The following MAGI2 variants were observed in gnomAD, a reference collection of about 807,000 sequenced individuals.
MAGI2 encodes the protein membrane associated guanylate kinase, WW and PDZ domain containing 2, also known as membrane-associated guanylate kinase, WW and PDZ domain-containing protein 2.
Under a neutral mutation model 133.3 loss-of-function variants are expected in MAGI2, and 35 were observed. The ratio of observed to expected loss-of-function variants is 0.26; its 90% CI spans 0.20 to 0.35. MAGI2 has a LOEUF of 0.35. MAGI2 is among the 10% of genes least tolerant of loss of function. The pLI is 1.00. For synonymous variants in MAGI2, 729 were observed against 710.6 expected (o/e 1.03, Z -0.41); for missense variants, 1,636 against 1,863.4 (o/e 0.88, Z 2.25).
Position 78,668,930 on chromosome 7 carries a change from G to A in MAGI2, c.419-41691C>T, listed in dbSNP as rs533125438. 5.5e-4 allele frequency among the ~76,000 whole-genome samples: 83 copies of A among 151,988 alleles called. 1 individual carries two copies. The South Asian group carries it at 0.017, about 31-fold the overall frequency. Reference sequence around the variant, plus strand: ...GGACGCATTCAAAGCAGTGCGCAGAGGGAAATTTATAGCACTAAATGCCCA... The same window carrying A: ...GGACGCATTCAAAGCAGTGCGCAGAAGGAAATTTATAGCACTAAATGCCCA... On this transcript the variant is annotated intron_variant, in intron 2 of 21. Transcript: ENST00000354212.
At chr7:79,355,809 G>T (rs896154806) in intron 1 of MAGI2, among the ~76,000 whole-genome samples, 1 of 152,140 alleles carries the variant, frequency 6.6e-6, no homozygotes, top group African/African-American at 2.4e-5. Context: ...TTATACATAT[G>T]ATAAAACACA....
Position 78,152,527 on chromosome 7 carries a change from C to T in MAGI2, c.2845+7498G>A, listed in dbSNP as rs185965911. Among the ~76,000 whole-genome samples the T allele has an allele frequency of 3.7e-4, 57 of 152,302 alleles. 1 individual carries two copies. Among genetic ancestry groups the T allele is most frequent in the African/African-American group, 1.3e-3 (56 of 41,576 alleles). The stretch of plus-strand genomic sequence containing the variant: ...ATCATTAGCAACGATCTACCACTCC[C>T]CCCTTAGCCCCTGGCTACCTCATGG... On this transcript the variant is annotated intron_variant, in intron 16 of 21. Transcript: ENST00000354212.
chr7:79,005,418 C>T (rs370981578), intron 2 of MAGI2, among the ~76,000 whole-genome samples: 4 of 152,120 alleles, frequency 2.6e-5, no homozygotes, highest in African/African-American at 9.7e-5. Flanking sequence ...ATAAGTCTAG[C>T]TGTTTTACCC....
intron 2 of MAGI2, among the ~76,000 whole-genome samples, chr7:78,957,930 A>T (rs114149450): frequency 0.014 from 2,144 of 152,244 alleles, 38 homozygotes; most frequent in African/African-American, 0.046. Context: ...CCCACACTAC[A>T]TGCAAAAATT....
At chr7:79,317,184 G>A (rs1294361984) in intron 1 of MAGI2, among the ~76,000 whole-genome samples, 3 of 151,690 alleles carry the variant, frequency 2.0e-5, no homozygotes, top group Admixed American at 6.6e-5. Flanking sequence ...CACTAATCCC[G>A]GCTAATTTTT....
chr7:79,098,844 A>G (rs1370370271), intron 1 of MAGI2, among the ~76,000 whole-genome samples: 1 of 152,204 alleles, frequency 6.6e-6, no homozygotes, highest in Non-Finnish European at 1.5e-5. Flanking sequence ...GGAGAGAGAA[A>G]GGGGAGGGTT....
At chr7:78,899,505 G>A (rs1425946981) in intron 2 of MAGI2, among the ~76,000 whole-genome samples, 2 of 152,178 alleles carry the variant, frequency 1.3e-5, no homozygotes, top group Non-Finnish European at 2.9e-5. Context: ...AGCTAAGTAT[G>A]TATAGCCTTC....
At chr7:78,829,956 G>T (rs1015645932) in intron 2 of MAGI2, among the ~76,000 whole-genome samples, 4 of 151,946 alleles carry the variant, frequency 2.6e-5, no homozygotes, top group Admixed American at 6.6e-5. Flanking sequence ...TTTGGTGTTT[G>T]TTAGAAAGTT....
intron 2 of MAGI2, among the ~76,000 whole-genome samples, chr7:78,768,545 G>A (rs780019587): frequency 6.6e-6 from 1 of 152,166 alleles, no homozygotes; most frequent in Non-Finnish European, 1.5e-5. Flanking sequence ...CTATGGGAAG[G>A]TGCTCACGAT....
At chr7:78,218,605 A>G (rs532129953) in intron 10 of MAGI2, among the ~76,000 whole-genome samples, 28 of 151,542 alleles carry the variant, frequency 1.8e-4, no homozygotes, top group Admixed American at 1.8e-3. Context: ...CACTTAACAA[A>G]GAAGCCTGCA....
In MAGI2 at chr7:78,346,077, G is replaced by T. The variant is rs199907068; in HGVS notation, c.1104-34C>A. The T allele has an allele frequency of 2.9e-4, 468 of 1,611,954 alleles. 2 individuals are homozygous for T. In the African/African-American group the frequency reaches 5.1e-3, roughly 18 times the overall value. On this transcript the variant is annotated intron_variant, in intron 7 of 21. Transcript: ENST00000354212. ...GAAAATTTCAGATTAGGATAACCGTGGGGCAAAGTTATTTAAAAGACCATA... is the reference window on the plus strand; with the variant it reads ...GAAAATTTCAGATTAGGATAACCGTTGGGCAAAGTTATTTAAAAGACCATA...
At chr7:78,060,797 A>G (rs753376255) in intron 21 of MAGI2, among the ~76,000 whole-genome samples, 28 of 152,180 alleles carry the variant, frequency 1.8e-4, no homozygotes, top group Non-Finnish European at 3.7e-4. Flanking sequence ...CATCTATGTA[A>G]TGGAGTATTG....
intron 1 of MAGI2, among the ~76,000 whole-genome samples, chr7:79,187,454 T>A (rs1370643574): frequency 6.6e-6 from 1 of 151,732 alleles, no homozygotes; most frequent in Non-Finnish European, 1.5e-5. Flanking sequence ...TTACCCTCAG[T>A]CCATCTACCT....
At chr7:78,238,544 A>AAT (rs398111478) in intron 10 of MAGI2, among the ~76,000 whole-genome samples, 2 of 151,694 alleles carry the variant, frequency 1.3e-5, no homozygotes, top group African/African-American at 2.4e-5. Context: ...CAAAAAAAAA[A>AAT]TCTTTGATTT....
chr7:79,132,134 A>G (rs972590004), intron 1 of MAGI2, among the ~76,000 whole-genome samples: 6 of 152,134 alleles, frequency 3.9e-5, no homozygotes, highest in African/African-American at 1.4e-4. Context: ...GATCACTCGC[A>G]CTGGCTTTTT....
rs989239549 is a variant in MAGI2 at position 78,666,358 on chromosome 7, T to G, written c.419-39119A>C. On this transcript the variant is annotated intron_variant, in intron 2 of 21. Coordinates refer to ENST00000354212, the MANE Select transcript of MAGI2 (RefSeq NM_012301.4). ...TAAGACTAGAACTGTGTAATAAACATTCTGTCCAGTTACAAATGTGCCTGA... is the reference window on the plus strand; with the variant it reads ...TAAGACTAGAACTGTGTAATAAACAGTCTGTCCAGTTACAAATGTGCCTGA... 3.9e-5 allele frequency among the ~76,000 whole-genome samples: 6 copies of G among 152,278 alleles called. No individual in the cohort carries two copies. The East Asian group carries it at 1.2e-3, about 29-fold the overall frequency.
intron 1 of MAGI2, among the ~76,000 whole-genome samples, chr7:79,024,900 T>A (rs1809718740): frequency 6.6e-6 from 1 of 152,192 alleles, no homozygotes; most frequent in Admixed American, 6.6e-5. Context: ...TATGCATTGC[T>A]GCTGGGAATA....
chr7:79,171,766 A>ATTTTTTT (rs1259287214), intron 1 of MAGI2, among the ~76,000 whole-genome samples: 1 of 23,256 alleles, frequency 4.3e-5, no homozygotes, highest in East Asian at 1.1e-3. Flanking sequence ...ATATATATAT[A>ATTTTTTT]TATATTTTTT....
intron 9 of MAGI2, among the ~76,000 whole-genome samples, chr7:78,341,983 T>G (rs1037655843): frequency 2.0e-5 from 3 of 152,104 alleles, no homozygotes; most frequent in African/African-American, 4.8e-5. Flanking sequence ...ACTAAAGAGC[T>G]TCTGCACTGC....
Sources: allele counts gnomAD v4.1 joint callset (sites outside exome capture counted in the v4.1 genomes callset), GRCh38; gene constraint gnomAD v4.1.1; transcripts MANE v1.5; gene names NCBI Gene and HGNC (gene_info 2026-07-23, HGNC 2026-07-21).